The following SPAG16 variants were observed in gnomAD, a reference collection of about 807,000 sequenced individuals.
SPAG16 encodes sperm associated antigen 16, also known as sperm-associated antigen 16 protein.
Under a neutral mutation model 80.4 loss-of-function variants are expected in SPAG16, and 86 were observed. The observed-to-expected ratio is 1.07, with a 90% CI of 0.90 to 1.28. The LOEUF (loss-of-function observed/expected upper bound fraction) is 1.28. Ranked by LOEUF, SPAG16 falls within the 50% of genes most tolerant of loss-of-function variation. The pLI is 0.00. For synonymous variants in SPAG16, 294 were observed against 265.9 expected, an observed-to-expected ratio of 1.11 and a Z score of -1.03; for missense variants, 870 against 765.3, an observed-to-expected ratio of 1.14 and a Z score of -1.61.
intron 15 of SPAG16, among the ~76,000 whole-genome samples, chr2:214,405,827 T>C (rs546860636): frequency 3.7e-4 from 56 of 152,104 alleles, no homozygotes; most frequent in African/African-American, 1.2e-3. Flanking sequence ...AAATCCCAAT[T>C]CAACCTTCTG....
intron 10 of SPAG16, among the ~76,000 whole-genome samples, chr2:213,588,427 CACTA>C (rs1455643862): frequency 6.6e-6 from 1 of 151,150 alleles, no homozygotes; most frequent in Non-Finnish European, 1.5e-5. Context: ...TTAAGGAAAA[CACTA>C]ACCACCTCAT....
chr2:213,348,397 T>G (rs1353705398), intron 6 of SPAG16, among the ~76,000 whole-genome samples: 1 of 152,200 alleles, frequency 6.6e-6, no homozygotes, highest in African/African-American at 2.4e-5. Flanking sequence ...AATATTCTTA[T>G]GTGTGAATTT....
intron 10 of SPAG16, among the ~76,000 whole-genome samples, chr2:213,769,016 G>T (rs2069102024): frequency 1.3e-5 from 2 of 152,128 alleles, no homozygotes; most frequent in African/African-American, 4.8e-5. Flanking sequence ...TTATGAGAAA[G>T]AATTAGTTGA....
rs1319636647 is a variant in SPAG16 at position 213,989,745 on chromosome 2, T to TCG, written c.1401-24205_1401-24204dup. Among the ~76,000 whole-genome samples, 6 of 152,280 alleles carry TCG rather than the reference T, an allele frequency of 3.9e-5. No individual in the cohort carries two copies. The East Asian group carries it at 1.2e-3, about 29-fold the overall frequency. On this transcript the variant is annotated intron_variant, in intron 12 of 15. Transcript: ENST00000331683. Reference sequence around the variant, plus strand: ...TTTTGAAAATTGTATAATGTTCAAATCGATGTCAGACATTTTCATTTTATC... The same window carrying TCG: ...TTTTGAAAATTGTATAATGTTCAAATCGCGATGTCAGACATTTTCATTTTATC...
At position 213,340,239 on chromosome 2, in the gene SPAG16, GA is replaced by G; in HGVS notation, c.620del (p.Asn207ThrfsTer3). ...HRMHHKRIVQ[E>X]KNKLINDLKG... ...AATGCATCATAAGCGAATAGTCCAG[GA>G]AAAAAACAAATTAATTAATGACCTC... On this transcript the variant is annotated frameshift_variant, in exon 6 of 16. Coordinates refer to ENST00000331683, the MANE Select transcript of SPAG16 (RefSeq NM_024532.5). LOFTEE classifies it high-confidence loss of function. 1 of 1,609,624 alleles carries G rather than the reference GA, an allele frequency of 6.2e-7. No individual in the cohort carries two copies. Among genetic ancestry groups the G allele is most frequent in the Non-Finnish European group, 8.5e-7 (1 of 1,177,942 alleles).
intron 13 of SPAG16, among the ~76,000 whole-genome samples, chr2:214,075,766 A>G (rs1023266764): frequency 1.3e-5 from 2 of 152,208 alleles, no homozygotes; most frequent in African/African-American, 4.8e-5. Context: ...TTATCTCAGT[A>G]TACATTTTTG....
At chr2:213,368,227 C>T (rs1398110965) in intron 8 of SPAG16, among the ~76,000 whole-genome samples, 17 of 151,894 alleles carry the variant, frequency 1.1e-4, no homozygotes, top group South Asian at 6.2e-4. Context: ...AGTGTGATGC[C>T]TCCAGCTTTG....
intron 10 of SPAG16, among the ~76,000 whole-genome samples, chr2:213,646,881 C>T (rs141047433): frequency 6.6e-6 from 1 of 152,262 alleles, no homozygotes; most frequent in African/African-American, 2.4e-5. Flanking sequence ...GGCTGAATAT[C>T]ATGTAATATG....
chr2:214,191,107 A>C (rs186189542), intron 15 of SPAG16, among the ~76,000 whole-genome samples: 1 of 152,228 alleles, frequency 6.6e-6, no homozygotes, highest in East Asian at 1.9e-4. Context: ...TTCTAGATAG[A>C]ATCACAGAAT....
At chr2:213,973,860 A>T (rs925182951) in intron 12 of SPAG16, among the ~76,000 whole-genome samples, 4 of 152,110 alleles carry the variant, frequency 2.6e-5, no homozygotes, top group African/African-American at 9.7e-5. Flanking sequence ...AAACCTGTGA[A>T]TTATAAGACT....
At chr2:214,223,318 G>T (rs1209832646) in intron 15 of SPAG16, among the ~76,000 whole-genome samples, 1 of 152,016 alleles carries the variant, frequency 6.6e-6, no homozygotes, top group Admixed American at 6.6e-5. Context: ...ATTACTATAA[G>T]ATTTATTTTC....
intron 15 of SPAG16, among the ~76,000 whole-genome samples, chr2:214,248,892 G>GT (rs1450271494): frequency 6.6e-6 from 1 of 152,130 alleles, no homozygotes; most frequent in Non-Finnish European, 1.5e-5. Context: ...GATGATATAA[G>GT]TTTTGCAAAT....
At chr2:214,293,442 G>C (rs1041243598) in intron 15 of SPAG16, among the ~76,000 whole-genome samples, 7 of 152,198 alleles carry the variant, frequency 4.6e-5, no homozygotes, top group African/African-American at 1.7e-4. Context: ...AGCTGGTCTG[G>C]TAATCCCTAG....
intron 15 of SPAG16, among the ~76,000 whole-genome samples, chr2:214,257,456 T>C (rs1421001026): frequency 1.3e-5 from 2 of 152,048 alleles, no homozygotes; most frequent in Non-Finnish European, 2.9e-5. Flanking sequence ...TGTTCCCCAT[T>C]ATAGGTTAAA....
At chr2:214,220,098 T>C (rs987838059) in intron 15 of SPAG16, among the ~76,000 whole-genome samples, 1 of 152,242 alleles carries the variant, frequency 6.6e-6, no homozygotes, top group South Asian at 2.1e-4. Flanking sequence ...ATACAAGATA[T>C]AGAATATGAT....
chr2:213,738,933 G>C (rs1478754965), intron 10 of SPAG16, among the ~76,000 whole-genome samples: 3 of 152,200 alleles, frequency 2.0e-5, no homozygotes, highest in African/African-American at 7.2e-5. Flanking sequence ...CCACGTTACA[G>C]AGAGTGACTG....
intron 10 of SPAG16, among the ~76,000 whole-genome samples, chr2:213,514,550 C>CTGGT (rs1370851420): frequency 1.3e-5 from 2 of 151,720 alleles, no homozygotes; most frequent in African/African-American, 4.8e-5. Context: ...ATGTGCCATG[C>CTGGT]TGGTGCGCTG....
At chr2:213,982,386 C>T (rs2045794813) in intron 12 of SPAG16, among the ~76,000 whole-genome samples, 1 of 151,848 alleles carries the variant, frequency 6.6e-6, no homozygotes, top group South Asian at 2.1e-4. Flanking sequence ...ATTATATTCT[C>T]AATTTTACCG....
intron 15 of SPAG16, among the ~76,000 whole-genome samples, chr2:214,331,458 G>A (rs1037089676): frequency 2.6e-5 from 4 of 152,234 alleles, no homozygotes; most frequent in Non-Finnish European, 5.9e-5. Context: ...GTTTTCCCCT[G>A]AGAATACATC....
Sources: gnomAD v4.1 joint callset for allele counts (sites outside exome capture counted in the v4.1 genomes callset) on GRCh38, gnomAD v4.1.1 for gene constraint, MANE v1.5 for transcripts, NCBI Gene and HGNC (gene_info 2026-07-23, HGNC 2026-07-21) for gene names.